The following KCTD16 variants were observed in gnomAD, a reference collection of about 807,000 sequenced individuals.
KCTD16 encodes the protein potassium channel tetramerization domain containing 16.
A neutral mutation model predicts 33.2 loss-of-function variants in KCTD16; 13 were observed. That is an observed-to-expected ratio of 0.39 (90% CI 0.25 to 0.62). The LOEUF is 0.62. KCTD16 is among the 20% of genes least tolerant of loss of function. The probability of loss-of-function intolerance (pLI) is 0.50; values close to 1 mark genes in which losing one functional copy is unlikely to be tolerated. For synonymous variants in KCTD16, 197 were observed against 195.3 expected (o/e 1.01, Z -0.07); for missense variants, 441 against 525.1 (o/e 0.84, Z 1.57).
At chr5:144,236,105 T>G (rs1280737298) in intron 3 of KCTD16, among the ~76,000 whole-genome samples, 2 of 152,108 alleles carry the variant, frequency 1.3e-5, no homozygotes, top group African/African-American at 4.8e-5. Context: ...CTAGGAACTG[T>G]TAGATGCTGA....
intron 3 of KCTD16, among the ~76,000 whole-genome samples, chr5:144,386,639 T>G (rs1403070265): frequency 6.6e-6 from 1 of 152,250 alleles, no homozygotes; most frequent in Non-Finnish European, 1.5e-5. Flanking sequence ...TCCATCTTTT[T>G]ATATTCCCTG....
chr5:144,477,008 A>G lies in KCTD16; in HGVS notation c.*2894A>G, dbSNP rs1049411810. On this transcript the variant is annotated 3_prime_UTR_variant, in exon 4 of 4. Transcript: ENST00000512467. ...GGGGAATCACATGTGTAGAGCCCCA[A>G]CTTAGATTGCCTTCTGGGAAATCCC... The G allele has an allele frequency of 1.3e-5, 2 of 151,900 alleles. No homozygotes were observed. The highest frequency in any genetic ancestry group is 4.8e-5 in the African/African-American group (2 of 41,340). 9.4% of individuals were successfully genotyped at this position (151,900 alleles called of 1,614,324 possible).
At chr5:144,201,867 T>C (rs1414506493) in intron 2 of KCTD16, among the ~76,000 whole-genome samples, 1 of 152,224 alleles carries the variant, frequency 6.6e-6, no homozygotes, top group South Asian at 2.1e-4. Flanking sequence ...GTTTCCTCCC[T>C]GATAGCGAAG....
At chr5:144,203,919 C>T (rs996949492) in intron 2 of KCTD16, among the ~76,000 whole-genome samples, 14 of 152,160 alleles carry the variant, frequency 9.2e-5, no homozygotes, top group African/African-American at 3.4e-4. Flanking sequence ...GCACTGATAG[C>T]TTAGGGCACT....
chr5:144,265,047 C>G (rs1251179114), intron 3 of KCTD16, among the ~76,000 whole-genome samples: 1 of 152,144 alleles, frequency 6.6e-6, no homozygotes, highest in East Asian at 1.9e-4. Context: ...AATCTTAACT[C>G]TCTACTATAG....
chr5:144,175,422 G>A (rs1258838340), intron 2 of KCTD16, among the ~76,000 whole-genome samples: 2 of 152,136 alleles, frequency 1.3e-5, no homozygotes, highest in East Asian at 1.9e-4. Flanking sequence ...TCTAAAATGC[G>A]ATTACTGAAA....
intron 3 of KCTD16, among the ~76,000 whole-genome samples, chr5:144,378,635 T>C (rs10515541): frequency 0.79 from 119,694 of 152,120 alleles, 47,538 homozygotes; most frequent in South Asian, 0.89. Context: ...GCCTTTGTTA[T>C]ATTCTTGTGT....
chr5:144,300,262 T>C (rs956460254), intron 3 of KCTD16, among the ~76,000 whole-genome samples: 1 of 152,218 alleles, frequency 6.6e-6, no homozygotes, highest in Admixed American at 6.5e-5. Flanking sequence ...CCAGTTACTC[T>C]TTTGCAAAAA....
intron 3 of KCTD16, among the ~76,000 whole-genome samples, chr5:144,296,260 G>A (rs376232693): frequency 2.4e-4 from 36 of 152,190 alleles, no homozygotes; most frequent in African/African-American, 8.7e-4. Flanking sequence ...GCCAGCAATA[G>A]CATCTGCTGC....
chr5:144,418,756 T>C (rs1753142710), intron 3 of KCTD16, among the ~76,000 whole-genome samples: 1 of 152,192 alleles, frequency 6.6e-6, no homozygotes, highest in African/African-American at 2.4e-5. Flanking sequence ...TGTTTTAATA[T>C]TGAAAATATT....
At chr5:144,436,402 C>T (rs1270671668) in intron 3 of KCTD16, among the ~76,000 whole-genome samples, 3 of 151,912 alleles carry the variant, frequency 2.0e-5, no homozygotes, top group African/African-American at 7.3e-5. Flanking sequence ...ACCCTCTGAC[C>T]TCATTTTGTA....
intron 3 of KCTD16, among the ~76,000 whole-genome samples, chr5:144,368,578 TA>T (rs553766368): frequency 8.0e-4 from 122 of 152,298 alleles, no homozygotes; most frequent in Non-Finnish European, 1.6e-3. Flanking sequence ...CCAAAACCTT[TA>T]GATAAAAAAG....
At chr5:144,464,813 G>C (rs1399324241) in intron 3 of KCTD16, among the ~76,000 whole-genome samples, 1 of 149,524 alleles carries the variant, frequency 6.7e-6, no homozygotes, top group East Asian at 2.0e-4. Context: ...GAATTGTTAG[G>C]CATTGATCAC....
chr5:144,244,791 C>T (rs1754505128), intron 3 of KCTD16, among the ~76,000 whole-genome samples: 1 of 152,144 alleles, frequency 6.6e-6, no homozygotes, highest in Admixed American at 6.5e-5. Context: ...AACTTTGTAT[C>T]ATTTTGAGCT....
At chr5:144,323,791 G>A (rs1048965307) in intron 3 of KCTD16, among the ~76,000 whole-genome samples, 8 of 152,150 alleles carry the variant, frequency 5.3e-5, no homozygotes, top group Non-Finnish European at 1.0e-4. Context: ...GTGTACCAGT[G>A]TAGTAAAAAG....
chr5:144,428,472 G>A (rs1422453020), intron 3 of KCTD16, among the ~76,000 whole-genome samples: 1 of 152,120 alleles, frequency 6.6e-6, no homozygotes, highest in Non-Finnish European at 1.5e-5. Flanking sequence ...ATTAGACCTT[G>A]CTTCCTCATC....
At chr5:144,352,622 A>G (rs1329810447) in intron 3 of KCTD16, among the ~76,000 whole-genome samples, 1 of 152,210 alleles carries the variant, frequency 6.6e-6, no homozygotes, top group African/African-American at 2.4e-5. Flanking sequence ...GTGGATGTTA[A>G]AATTTACGAT....
chr5:144,344,006 CAG>C (rs1580888397), intron 3 of KCTD16, among the ~76,000 whole-genome samples: 1 of 152,122 alleles, frequency 6.6e-6, no homozygotes, highest in African/African-American at 2.4e-5. Flanking sequence ...GGTACCAAAA[CAG>C]AGATATAGAT....
chr5:144,417,103 T>A (rs77144167), intron 3 of KCTD16, among the ~76,000 whole-genome samples: 364 of 152,290 alleles, frequency 2.4e-3, no homozygotes, highest in African/African-American at 8.4e-3. Context: ...GGTACTTGTT[T>A]GAATATATAC....
Sources: gnomAD v4.1 joint callset for allele counts (sites outside exome capture counted in the v4.1 genomes callset) on GRCh38, gnomAD v4.1.1 for gene constraint, MANE v1.5 for transcripts, NCBI Gene and HGNC (gene_info 2026-07-23, HGNC 2026-07-21) for gene names.